KCNIP1: variants seen among roughly 807,000 people sequenced by gnomAD.
KCNIP1 encodes potassium voltage-gated channel interacting protein 1.
A neutral mutation model predicts 33.0 loss-of-function variants in KCNIP1; 18 were observed. The ratio of observed to expected loss-of-function variants is 0.55; its 90% CI spans 0.38 to 0.81. The LOEUF (loss-of-function observed/expected upper bound fraction) is 0.81, where lower values mean the gene tolerates loss of function less well. KCNIP1 is among the 30% of genes least tolerant of loss of function. The pLI, the probability that KCNIP1 is intolerant of heterozygous loss-of-function variation, is 0.00. For synonymous variants in KCNIP1, 93 were observed against 98.3 expected, an observed-to-expected ratio of 0.95 and a Z score of 0.32; for missense variants, 238 against 271.6, an observed-to-expected ratio of 0.88 and a Z score of 0.87.
intron 1 of KCNIP1, among the ~76,000 whole-genome samples, chr5:170,623,226 T>C (rs1257128270): frequency 6.6e-6 from 1 of 151,848 alleles, no homozygotes; most frequent in East Asian, 1.9e-4. Context: ...TTTTTTCTTT[T>C]TTTTGAGATG....
intron 1 of KCNIP1, among the ~76,000 whole-genome samples, chr5:170,382,192 A>G (rs573829002): frequency 6.6e-6 from 1 of 152,154 alleles, no homozygotes; most frequent in East Asian, 1.9e-4. Flanking sequence ...TCCCAGCCCA[A>G]CTCTGAAACT....
intron 1 of KCNIP1, among the ~76,000 whole-genome samples, chr5:170,657,284 C>T (rs1169747904): frequency 6.6e-6 from 1 of 152,156 alleles, no homozygotes; most frequent in African/African-American, 2.4e-5. Flanking sequence ...GTGTGAGTCA[C>T]CATGCCCAGC....
intron 1 of KCNIP1, among the ~76,000 whole-genome samples, chr5:170,512,918 C>T (rs191299847): frequency 0.014 from 2,202 of 152,172 alleles, 28 homozygotes; most frequent in Non-Finnish European, 0.023. Flanking sequence ...GGCGTGGTGG[C>T]GGGCGCGTGT....
chr5:170,496,900 T>C (rs1238737314), intron 1 of KCNIP1, among the ~76,000 whole-genome samples: 3 of 152,060 alleles, frequency 2.0e-5, no homozygotes, highest in Non-Finnish European at 4.4e-5. Flanking sequence ...AGCTCCACCC[T>C]GATTTCTCCA....
chr5:170,582,738 A>G (rs1757842769), intron 1 of KCNIP1, among the ~76,000 whole-genome samples: 1 of 152,210 alleles, frequency 6.6e-6, no homozygotes, highest in South Asian at 2.1e-4. Flanking sequence ...TTCACCTTCC[A>G]GTCCTTCTTC....
chr5:170,578,517 G>A (rs748130316), intron 1 of KCNIP1, among the ~76,000 whole-genome samples: 7 of 152,158 alleles, frequency 4.6e-5, no homozygotes, highest in Non-Finnish European at 1.0e-4. Context: ...GGAGATGGAA[G>A]GGACTCTCAA....
intron 1 of KCNIP1, among the ~76,000 whole-genome samples, chr5:170,711,628 G>A (rs1200539774): frequency 6.6e-6 from 1 of 152,196 alleles, no homozygotes; most frequent in Non-Finnish European, 1.5e-5. Context: ...AGTGCAAGAT[G>A]TGAATAATAG....
chr5:170,626,957 G>C (rs1420998871), intron 1 of KCNIP1, among the ~76,000 whole-genome samples: 1 of 152,198 alleles, frequency 6.6e-6, no homozygotes, highest in Non-Finnish European at 1.5e-5. Flanking sequence ...CCTGAGGCCT[G>C]GCAAGTGTGA....
intron 1 of KCNIP1, among the ~76,000 whole-genome samples, chr5:170,661,273 T>C (rs75754716): frequency 6.6e-6 from 1 of 152,318 alleles, no homozygotes; most frequent in Non-Finnish European, 1.5e-5. Context: ...TGTGTTCCCC[T>C]GTGGTGTGTG....
chr5:170,624,416 G>A (rs911236748), intron 1 of KCNIP1, among the ~76,000 whole-genome samples: 2 of 151,980 alleles, frequency 1.3e-5, no homozygotes, highest in African/African-American at 4.8e-5. Flanking sequence ...TGACGAAGGG[G>A]TACAAACAAC....
Position 170,614,371 on chromosome 5 carries a change from G to A in KCNIP1, c.62-104387G>A, listed in dbSNP as rs1266930213. On this transcript the variant is annotated intron_variant, in intron 1 of 7. Transcript: ENST00000328939. ...CATGCAGTTTCTTATCTGCCAGATGGCCAGGAGGACACATGCATTCCAGTG... is the reference window on the plus strand; with the variant it reads ...CATGCAGTTTCTTATCTGCCAGATGACCAGGAGGACACATGCATTCCAGTG... Among the ~76,000 whole-genome samples, 7 of 152,294 alleles carry A rather than the reference G, an allele frequency of 4.6e-5. No homozygotes were observed. The Middle Eastern group carries it at 0.014, about 296-fold the overall frequency.
chr5:170,633,348 A>G (rs1760137823), intron 1 of KCNIP1, among the ~76,000 whole-genome samples: 1 of 151,992 alleles, frequency 6.6e-6, no homozygotes, highest in African/African-American at 2.4e-5. Context: ...GCAGCTAGTC[A>G]TAGGAGCAAA....
intron 1 of KCNIP1, among the ~76,000 whole-genome samples, chr5:170,506,156 A>G (rs1478308648): frequency 6.6e-6 from 1 of 152,120 alleles, no homozygotes; most frequent in Non-Finnish European, 1.5e-5. Flanking sequence ...AATATTTTCA[A>G]TGCCTGTGGC....
intron 1 of KCNIP1, among the ~76,000 whole-genome samples, chr5:170,578,763 G>A (rs1757691557): frequency 6.6e-6 from 1 of 152,220 alleles, no homozygotes; most frequent in African/African-American, 2.4e-5. Flanking sequence ...GTTGGAGAGA[G>A]GGTTCTACTT....
At chr5:170,425,393 T>G (rs780036928) in intron 1 of KCNIP1, among the ~76,000 whole-genome samples, 1 of 152,196 alleles carries the variant, frequency 6.6e-6, no homozygotes, top group African/African-American at 2.4e-5. Flanking sequence ...ACCTCCAGGC[T>G]CAGGCCCCAT....
intron 1 of KCNIP1, among the ~76,000 whole-genome samples, chr5:170,589,595 TG>T (rs1384234821): frequency 6.6e-6 from 1 of 152,124 alleles, no homozygotes. Context: ...TGCGGAAGGT[TG>T]GGGCACTTTT....
At chr5:170,664,037 C>A (rs1761603623) in intron 1 of KCNIP1, among the ~76,000 whole-genome samples, 1 of 152,140 alleles carries the variant, frequency 6.6e-6, no homozygotes, top group East Asian at 1.9e-4. Flanking sequence ...CACTTTCTCC[C>A]ACAGCTCTCC....
intron 1 of KCNIP1, among the ~76,000 whole-genome samples, chr5:170,598,280 C>T (rs1758536245): frequency 6.6e-6 from 1 of 152,160 alleles, no homozygotes. Context: ...GAATTGCCAG[C>T]CCTCCCTCTC....
intron 1 of KCNIP1, among the ~76,000 whole-genome samples, chr5:170,684,094 T>C (rs1286578786): frequency 6.6e-6 from 1 of 152,174 alleles, no homozygotes; most frequent in Non-Finnish European, 1.5e-5. Context: ...TATACAGATA[T>C]TGAGCCAAGA....
Sources: gnomAD v4.1 joint callset for allele counts (sites outside exome capture counted in the v4.1 genomes callset) on GRCh38, gnomAD v4.1.1 for gene constraint, MANE v1.5 for transcripts, NCBI Gene and HGNC (gene_info 2026-07-23, HGNC 2026-07-21) for gene names.